Variants in INPPL1 observed in about 807,000 individuals in gnomAD.
The protein encoded by INPPL1 is phosphatidylinositol 3,4,5-trisphosphate 5-phosphatase 2.
In INPPL1, 91 loss-of-function variants were observed where a neutral mutation model predicts 139.3. The observed-to-expected ratio is 0.65, with a 90% confidence interval of 0.55 to 0.78. The LOEUF (loss-of-function observed/expected upper bound fraction) is 0.78, where lower values mean the gene tolerates loss of function less well. Among genes scored for constraint, INPPL1 ranks in the 30% least tolerant of loss-of-function variants. INPPL1 has a pLI of 0.00. For missense variants in INPPL1, 1,411 were observed against 1,665.6 expected, an observed-to-expected ratio of 0.85 and a Z score of 2.66; for synonymous variants, 719 against 686.6, an observed-to-expected ratio of 1.05 and a Z score of -0.74.
intron 10 of INPPL1, 135 bp downstream of exon 10, chr11:72,230,603 AGAGGGTGTTGAGAACGGGTGGCCT>A: frequency 1.1e-6 from 1 of 942,850 alleles, no homozygotes; most frequent in African/African-American, 1.6e-5. Context: ...CTGACAGGGT[AGAGGGTGTTGAGAACGGGTGGCCT>A]GAGGGTGGAT....
At chr11:72,233,052 C>T in intron 16 of INPPL1, 23 bp from the exon 17 acceptor site, 7 of 1,612,878 alleles carry the variant, frequency 4.3e-6, no homozygotes, top group Non-Finnish European at 5.1e-6. Flanking sequence ...CCCTGAACCC[C>T]ACCTGTCTCC....
At chr11:72,233,239 G>A in intron 17 of INPPL1, 76 bp downstream of exon 17, 1 of 1,314,552 alleles carries the variant, frequency 7.6e-7, no homozygotes, top group Non-Finnish European at 1.1e-6. Context: ...CAAGGGTATG[G>A]GCCTCTGCAG....
chr11:72,234,487 G>C lies in INPPL1; in HGVS notation c.2327-40G>C, dbSNP rs1315732155. ...CCTACTTAGGGGGAAAGGAAGCTGAGAGGTGGTGCTCAGTTGGGTGTCTCC... is the reference window on the plus strand; with the variant it reads ...CCTACTTAGGGGGAAAGGAAGCTGACAGGTGGTGCTCAGTTGGGTGTCTCC... On this transcript the variant is annotated intron_variant, in intron 20 of 27. Transcript: ENST00000298229. The surrounding 1 kb of genome is among the most constrained non-coding windows in gnomAD (Gnocchi z 4.2). 1.3e-6 allele frequency: 2 copies of C among 1,595,284 alleles called. No homozygotes were observed. Among genetic ancestry groups the C allele is most frequent in the African/African-American group, 2.7e-5 (2 of 74,452 alleles).
At position 72,238,284 on chromosome 11, in the gene INPPL1, G is replaced by A. The variant is rs761593179; in HGVS notation, c.3708G>A (p.Leu1236=). The A allele has an allele frequency of 3.7e-6, 6 of 1,611,334 alleles. No homozygotes were observed. The Admixed American group carries it at 1.0e-4, about 27-fold the overall frequency. Reference sequence around the variant, plus strand: ...ACAGTGACATCACCGAGGAGGACTTGGAGGAGGCTGGGGTGCAGGACCCGG... The same window carrying A: ...ACAGTGACATCACCGAGGAGGACTTAGAGGAGGCTGGGGTGCAGGACCCGG... ...EFLSDITEED[L]EEAGVQDPAH... is the part of the protein sequence containing the mutation. The change falls in exon 28 of 28, where the codon TTG becomes TTA. Residue 1236 remains leucine (L), a synonymous_variant. Transcript: ENST00000298229.
In INPPL1 at chr11:72,233,753, T is replaced by C; in HGVS notation, c.2212+9T>C. 1 of 1,611,536 alleles carries C rather than the reference T, an allele frequency of 6.2e-7. No homozygotes were observed. Among genetic ancestry groups the C allele is most frequent in the Non-Finnish European group, 8.5e-7 (1 of 1,177,630 alleles). On this transcript the variant is annotated intron_variant, in intron 19 of 27. Coordinates refer to ENST00000298229, the MANE Select transcript of INPPL1 (RefSeq NM_001567.4). ...GTTCATCTCCAAGAAAGGTGACTGT[T>C]CCAGATATGCTTGTGGGTGTGGCAT...
chr11:72,225,947 C>T (rs1041101028), intron 1 of INPPL1, among the ~76,000 whole-genome samples: 10 of 152,156 alleles, frequency 6.6e-5, no homozygotes, highest in African/African-American at 2.2e-4. Context: ...AGCCTTCTAG[C>T]GGCTTTGTAC....
chr11:72,231,369 C>A, intron 12 of INPPL1, 129 bp from the exon 13 acceptor site: 1 of 925,644 alleles, frequency 1.1e-6, no homozygotes, highest in Non-Finnish European at 1.7e-6. Flanking sequence ...CATTTCTCTC[C>A]AGTCCGTCAG....
In INPPL1 at chr11:72,229,847, C is replaced by A. The variant is rs552436243; in HGVS notation, c.844-77C>A. On this transcript the variant is annotated intron_variant, in intron 7 of 27. Coordinates refer to ENST00000298229, the MANE Select transcript of INPPL1 (RefSeq NM_001567.4). ...CCTCAGTCTACAACTTAACATTGGC[C>A]CCAAGGTCAATTGTGTCCCTCCCTG... is the stretch of plus-strand genomic sequence containing the variant. 5.8e-6 allele frequency: 9 copies of A among 1,561,394 alleles called. No individual in the cohort carries two copies. In the East Asian group the frequency reaches 1.4e-4, roughly 24 times the overall value.
chr11:72,237,327 A>G lies in INPPL1; in HGVS notation c.3083A>G (p.His1028Arg). The change falls in exon 26 of 28, where the codon CAC becomes CGC. Residue 1028 changes from histidine (H) to arginine (R), a missense_variant. By Grantham distance (29) the His-to-Arg change is conservative. Around this residue, in one of 5 missense-constraint regions of INPPL1, gnomAD observed 438 missense variants for 425.7 expected, o/e 1.03. Transcript: ENST00000298229. ...ACAGTGCCTGCTCCACAGCTTGGGC[A>G]CCACCGGCACCCTCGTGTGGGAGAG... is the stretch of plus-strand genomic sequence containing the variant. ...AITVPAPQLG[H>R]HRHPRVGEGS... 1 of 1,613,848 alleles carries G rather than the reference A, an allele frequency of 6.2e-7. No individual in the cohort carries two copies. The highest frequency in any genetic ancestry group is 8.5e-7 in the Non-Finnish European group (1 of 1,179,996).
intron 1 of INPPL1, 117 bp downstream of exon 1, chr11:72,225,283 A>G: frequency 1.6e-6 from 2 of 1,220,292 alleles, no homozygotes; most frequent in Non-Finnish European, 2.0e-6. Flanking sequence ...ACCCGCCTCC[A>G]CCCCCCAGAG....
In INPPL1 at chr11:72,233,536, G is replaced by T; in HGVS notation, c.2122+14G>T. The T allele has an allele frequency of 6.2e-7, 1 of 1,612,396 alleles. No homozygotes were observed. ...GCAATTCTTATGGTCAGAGCCTCCC[G>T]GACAGAGTGATGGGAGATCTGGGGT... On this transcript the variant is annotated intron_variant, in intron 18 of 27. Coordinates refer to ENST00000298229, the MANE Select transcript of INPPL1 (RefSeq NM_001567.4).
At chr11:72,232,504 C>T in intron 14 of INPPL1, 122 bp from the exon 15 acceptor site, 1 of 1,349,524 alleles carries the variant, frequency 7.4e-7, no homozygotes, top group South Asian at 1.3e-5. Flanking sequence ...AACCTTGTCC[C>T]CAGGGGCCCG....
intron 25 of INPPL1, among the ~76,000 whole-genome samples, chr11:72,236,758 G>A (rs539176549): frequency 2.7e-4 from 41 of 152,178 alleles, no homozygotes; most frequent in Non-Finnish European, 3.1e-4. Flanking sequence ...ATTCTGCAGC[G>A]GATTGACTGT....
At position 72,234,386 on chromosome 11, in the gene INPPL1, G is replaced by A. The variant is rs1565394003; in HGVS notation, c.2318G>A (p.Cys773Tyr). Reference sequence around the variant, plus strand: ...TTCTTCATCGAGTTCTACTCTACCTGCCTGGAGGGTCAGAGGCGTGGCAGG... The same window carrying A: ...TTCTTCATCGAGTTCTACTCTACCTACCTGGAGGGTCAGAGGCGTGGCAGG... ...TKFFIEFYST[C>Y]LEEYKKSFEN... Residue 773 changes from cysteine to tyrosine, a missense_variant, in exon 20 of 28, where the codon TGC (cysteine) becomes TAC (tyrosine). By Grantham distance (194) the Cys-to-Tyr change is radical. This residue lies in a region of INPPL1 where 363 missense variants were observed against 446.2 expected (regional missense o/e 0.81). Coordinates refer to ENST00000298229, the MANE Select transcript of INPPL1 (RefSeq NM_001567.4). This position sits in a 1 kb window ranked among gnomAD's most constrained non-coding sequence, Gnocchi z 4.2. 2 of 1,613,956 alleles carry A rather than the reference G, an allele frequency of 1.2e-6. No homozygotes were observed. The highest frequency in any genetic ancestry group is 1.7e-5 in the Admixed American group (1 of 60,020).
At chr11:72,225,316 G>T in intron 1 of INPPL1, 150 bp downstream of exon 1, 1 of 1,223,244 alleles carries the variant, frequency 8.2e-7, no homozygotes, top group Non-Finnish European at 1.0e-6. Context: ...CTTTCTCCTG[G>T]GTCTGAGGAG....
chr11:72,227,802 T>C (rs12288631), intron 1 of INPPL1: 48,964 of 303,156 alleles, frequency 0.16, 4,664 homozygotes, highest in South Asian at 0.27. Flanking sequence ...TGCCCGTGTG[T>C]GCAAATGGGC....
intron 1 of INPPL1, among the ~76,000 whole-genome samples, chr11:72,226,707 C>T (rs926043160): frequency 6.6e-6 from 1 of 152,050 alleles, no homozygotes; most frequent in African/African-American, 2.4e-5. Flanking sequence ...AGTCTGAGGC[C>T]CAGTAGGGGG....
intron 10 of INPPL1, 26 bp from the exon 11 acceptor site, chr11:72,230,770 C>A: frequency 6.2e-7 from 1 of 1,605,530 alleles, no homozygotes; most frequent in East Asian, 2.2e-5. Context: ...TGCCTACCCG[C>A]CCCTGAGTGG....
At chr11:72,227,363 A>G (rs1237197492) in intron 1 of INPPL1, among the ~76,000 whole-genome samples, 1 of 152,220 alleles carries the variant, frequency 6.6e-6, no homozygotes, top group Non-Finnish European at 1.5e-5. Flanking sequence ...TGTCACAGAT[A>G]GGATTCAGTT....
Sources: gnomAD v4.1 joint callset for allele counts (sites outside exome capture counted in the v4.1 genomes callset) on GRCh38, gnomAD v4.1.1 for gene constraint, gnomAD v4.1.1 regional missense constraint, Gnocchi (gnomAD v3.1) non-coding constraint, MANE v1.5 for transcripts, NCBI Gene and HGNC (gene_info 2026-07-23, HGNC 2026-07-21) for gene names.